MACC1: variants seen among roughly 807,000 people sequenced by gnomAD.
MACC1 encodes metastasis-associated in colon cancer protein 1.
Under a neutral mutation model 70.7 loss-of-function variants are expected in MACC1, and 79 were observed. The observed-to-expected ratio is 1.12, with a 90% CI of 0.93 to 1.35. The LOEUF (loss-of-function observed/expected upper bound fraction) is 1.35. MACC1 is among the 40% of genes most tolerant of loss of function. The pLI is 0.00. For missense variants in MACC1, 1,106 were observed against 978.1 expected, an observed-to-expected ratio of 1.13 and a Z score of -1.74; for synonymous variants, 361 against 347.2, an observed-to-expected ratio of 1.04 and a Z score of -0.44.
intron 5 of MACC1, among the ~76,000 whole-genome samples, chr7:20,154,710 C>T (rs1468915192): frequency 6.6e-6 from 1 of 152,102 alleles, no homozygotes; most frequent in Admixed American, 6.6e-5. Flanking sequence ...TCCAATGGTA[C>T]TCTGAAGTTC....
rs184002572 is a variant in MACC1 at position 20,194,214 on chromosome 7, C to T, written c.-218+23085G>A. Reference sequence around the variant, plus strand: ...CCATGCTGCTCTGAGGGGTTTTTGCCGCTTTTTTTATATCCTAATTTTAGA... The same window carrying T: ...CCATGCTGCTCTGAGGGGTTTTTGCTGCTTTTTTTATATCCTAATTTTAGA... On this transcript the variant is annotated intron_variant, in intron 1 of 6. Transcript: ENST00000400331. 3.0e-4 allele frequency among the ~76,000 whole-genome samples: 45 copies of T among 152,088 alleles called. 2 individuals are homozygous for T. The East Asian group carries it at 3.3e-3, about 11-fold the overall frequency.
intron 6 of MACC1, among the ~76,000 whole-genome samples, chr7:20,146,148 GA>G (rs377648424): frequency 0.019 from 1,657 of 86,328 alleles, 12 homozygotes; most frequent in East Asian, 0.057. Context: ...ATCTCAAAAA[GA>G]AAAAAAAAAA....
chr7:20,161,393 C>T (rs947950421), intron 4 of MACC1, among the ~76,000 whole-genome samples: 1 of 151,822 alleles, frequency 6.6e-6, no homozygotes, highest in African/African-American at 2.4e-5. Context: ...ATACAATTAC[C>T]CCTAACTCTC....
intron 1 of MACC1, among the ~76,000 whole-genome samples, chr7:20,180,673 C>T (rs1782489886): frequency 1.3e-5 from 2 of 151,910 alleles, no homozygotes; most frequent in South Asian, 4.2e-4. Flanking sequence ...GGTGAAACCC[C>T]ATCTCTACTA....
chr7:20,170,297 T>C (rs1333024373), intron 2 of MACC1: 2 of 152,218 alleles, frequency 1.3e-5, no homozygotes, highest in African/African-American at 2.4e-5. Flanking sequence ...TTTTAAAAAA[T>C]TGTTGTAAAT....
chr7:20,165,148 G>C (rs1043010562), intron 2 of MACC1, among the ~76,000 whole-genome samples: 3 of 152,118 alleles, frequency 2.0e-5, no homozygotes, highest in African/African-American at 7.2e-5. Flanking sequence ...CACTCAAGCA[G>C]GTCTTCACTG....
At chr7:20,168,139 G>A (rs1464700221) in intron 2 of MACC1, among the ~76,000 whole-genome samples, 1 of 152,026 alleles carries the variant, frequency 6.6e-6, no homozygotes, top group Non-Finnish European at 1.5e-5. Flanking sequence ...TTACACGTGT[G>A]TGTGCATGAA....
At chr7:20,176,886 G>C (rs1782401113) in intron 1 of MACC1, among the ~76,000 whole-genome samples, 1 of 152,188 alleles carries the variant, frequency 6.6e-6, no homozygotes, top group South Asian at 2.1e-4. Flanking sequence ...ATGGCGAGCA[G>C]ATTAGTGGTG....
chr7:20,178,659 G>A (rs564760284), intron 1 of MACC1, among the ~76,000 whole-genome samples: 1 of 152,294 alleles, frequency 6.6e-6, no homozygotes, highest in South Asian at 2.1e-4. Context: ...GAGTGCAAAG[G>A]CGCGATCTCG....
chr7:20,183,662 T>C (rs1005317268), intron 1 of MACC1, among the ~76,000 whole-genome samples: 40 of 152,068 alleles, frequency 2.6e-4, no homozygotes, highest in African/African-American at 9.2e-4. Context: ...TGTAATATCC[T>C]AATTCCAACA....
At chr7:20,197,862 C>T (rs2128107876) in intron 1 of MACC1, among the ~76,000 whole-genome samples, 1 of 152,172 alleles carries the variant, frequency 6.6e-6, no homozygotes, top group Admixed American at 6.5e-5. Context: ...CCAAATCTAC[C>T]ATGTATTGTT....
At chr7:20,202,116 C>T (rs1782842731) in intron 1 of MACC1, among the ~76,000 whole-genome samples, 1 of 152,186 alleles carries the variant, frequency 6.6e-6, no homozygotes, top group Non-Finnish European at 1.5e-5. Flanking sequence ...AAAACCATGT[C>T]CGCACATCCA....
intron 1 of MACC1, among the ~76,000 whole-genome samples, chr7:20,181,047 G>A (rs1415442333): frequency 2.6e-5 from 4 of 151,650 alleles, no homozygotes; most frequent in East Asian, 3.9e-4. Flanking sequence ...TTTGAATGGC[G>A]ATACTAAAAA....
At chr7:20,213,542 G>T (rs191260341) in intron 1 of MACC1, among the ~76,000 whole-genome samples, 1 of 152,026 alleles carries the variant, frequency 6.6e-6, no homozygotes, top group Admixed American at 6.6e-5. Flanking sequence ...CCATAATGAT[G>T]GACTGGATAA....
At chr7:20,214,854 T>C (rs1783046338) in intron 1 of MACC1, among the ~76,000 whole-genome samples, 1 of 152,218 alleles carries the variant, frequency 6.6e-6, no homozygotes, top group Non-Finnish European at 1.5e-5. Flanking sequence ...GTGCGAAAGT[T>C]TGGAAAACAC....
chr7:20,167,692 T>A (rs1339363770), intron 2 of MACC1, among the ~76,000 whole-genome samples: 1 of 151,834 alleles, frequency 6.6e-6, no homozygotes. Context: ...AATTTGAGAC[T>A]ACACCCTGAC....
intron 3 of MACC1, among the ~76,000 whole-genome samples, chr7:20,162,744 A>G (rs1782157055): frequency 6.6e-6 from 1 of 152,180 alleles, no homozygotes; most frequent in South Asian, 2.1e-4. Flanking sequence ...AAAATATTAC[A>G]TTGATCACTA....
intron 1 of MACC1, among the ~76,000 whole-genome samples, chr7:20,173,816 G>C (rs1202338823): frequency 6.6e-6 from 1 of 152,164 alleles, no homozygotes; most frequent in Non-Finnish European, 1.5e-5. Context: ...GGGTCACTGA[G>C]ATTGATGCTC....
chr7:20,192,468 G>C (rs564287375), intron 1 of MACC1, among the ~76,000 whole-genome samples: 1 of 152,290 alleles, frequency 6.6e-6, no homozygotes, highest in South Asian at 2.1e-4. Flanking sequence ...AGCTCTGCTT[G>C]TCAGTCCCAG....
Sources: gnomAD v4.1 joint callset for allele counts (sites outside exome capture counted in the v4.1 genomes callset) on GRCh38, gnomAD v4.1.1 for gene constraint, MANE v1.5 for transcripts, NCBI Gene and HGNC (gene_info 2026-07-23, HGNC 2026-07-21) for gene names.